Variants in CALHM6 observed in about 807,000 individuals in gnomAD.
The protein encoded by CALHM6 is calcium homeostasis modulator protein 6.
Under a neutral mutation model 12.7 loss-of-function variants are expected in CALHM6, and 15 were observed. The ratio of observed to expected loss-of-function variants is 1.18; its 90% CI spans 0.79 to 1.82. The LOEUF (loss-of-function observed/expected upper bound fraction) is 1.82. Ranked by LOEUF, CALHM6 falls within the 40% of genes most tolerant of loss-of-function variation. CALHM6 has a pLI of 0.00. For missense variants in CALHM6, 434 were observed against 421.0 expected (o/e 1.03, Z -0.27); for synonymous variants, 212 against 193.7 (o/e 1.09, Z -0.78).
At chr6:116,463,222 T>A in intron 2 of CALHM6, 61 bp from the exon 3 acceptor site, 1 of 1,494,612 alleles carries the variant, frequency 6.7e-7, no homozygotes, top group South Asian at 1.3e-5. Flanking sequence ...TATCTGAGGA[T>A]TTTTAAATTT....
chr6:116,462,477 G>T, intron 2 of CALHM6, 23 bp downstream of exon 2: 2 of 1,472,980 alleles, frequency 1.4e-6, no homozygotes, highest in South Asian at 2.6e-5. Flanking sequence ...CGCTGGGGGC[G>T]TTTGGGAGGA....
At position 116,462,441 on chromosome 6, in the gene CALHM6, A is replaced by G; in HGVS notation, c.512A>G (p.Lys171Arg). The change falls in exon 2 of 3, where the codon AAG becomes AGG. Residue 171 changes from lysine (K) to arginine (R), a missense_variant. Lys to Arg is a conservative substitution (Grantham distance 26). Coordinates refer to ENST00000368605, the MANE Select transcript of CALHM6 (RefSeq NM_001010919.3). ...GTGCAGGACCTCCTGAAGGATCTGA[A>G]GGCTCAGTCGCAGGTCTGCCGCTGG... ...SDVQDLLKDL[K>R]AQSQVLGWIL... The G allele has an allele frequency of 6.7e-7, 1 of 1,497,986 alleles. No homozygotes were observed. Among genetic ancestry groups the G allele is most frequent in the Non-Finnish European group, 8.9e-7 (1 of 1,122,830 alleles). The allele number at this position is 1,497,986 out of a possible 1,614,324, so 92.8% of individuals were successfully genotyped here.
rs754787434 is a variant in CALHM6, at chr6:116,462,929, G to C, written c.526-354G>C. On this transcript the variant is annotated intron_variant, in intron 2 of 2. Coordinates refer to ENST00000368605, the MANE Select transcript of CALHM6 (RefSeq NM_001010919.3). ...GGGGTCTATAGAATAAAATGGGTTT[G>C]TCTGGCTCTAAAGCCACCACTGGAC... 4.6e-5 allele frequency among the ~76,000 whole-genome samples: 7 copies of C among 152,336 alleles called. 1 individual carries two copies. The Middle Eastern group carries it at 0.014, about 296-fold the overall frequency.
rs1583252080 is a variant in CALHM6, at chr6:116,461,448, G to T, written c.-59+19G>T. ...GTTTCCCGTAAGTAATCAGTTTTTT[G>T]ATAATTATTTGGTTTTACTGTGATC... On this transcript the variant is annotated intron_variant, in intron 1 of 2. Transcript: ENST00000368605. The T allele has an allele frequency of 1.4e-5, 21 of 1,549,568 alleles. No homozygotes were observed. The East Asian group carries it at 3.4e-4, about 25-fold the overall frequency.
Position 116,462,135 on chromosome 6 carries a change from T to A in CALHM6, c.206T>A (p.Val69Glu). The A allele has an allele frequency of 2.6e-6, 4 of 1,534,388 alleles. No homozygotes were observed. In the South Asian group the frequency reaches 3.6e-5, roughly 14 times the overall value. ...CTCGCGCTCTTCCTCCTGGGCTACG[T>A]GCTGAGCGCACGCACGTGGCGCCTG... ...PALALFLLGY[V>E]LSARTWRLLT... Residue 69 changes from valine (V) to glutamate (E), a missense_variant, in exon 2 of 3, where the codon GTG (valine) becomes GAG (glutamate). Val to Glu is a moderately radical substitution (Grantham distance 121). Transcript: ENST00000368605.
rs940317170 is a variant in CALHM6 at position 116,462,139 on chromosome 6, G to C, written c.210G>C (p.Leu70=). 48 of 1,533,694 alleles carry C rather than the reference G, an allele frequency of 3.1e-5. No individual in the cohort carries two copies. The highest frequency in any genetic ancestry group is 4.0e-5 in the Non-Finnish European group (46 of 1,142,712). Residue 70 remains leucine (L), a synonymous_variant, in exon 2 of 3, where the codon CTG becomes CTC. Transcript: ENST00000368605. Reference sequence around the variant, plus strand: ...CGCTCTTCCTCCTGGGCTACGTGCTGAGCGCACGCACGTGGCGCCTGCTCA... The same window carrying C: ...CGCTCTTCCTCCTGGGCTACGTGCTCAGCGCACGCACGTGGCGCCTGCTCA... ...ALALFLLGYV[L]SARTWRLLTG... is the part of the protein sequence containing the mutation.
chr6:116,461,506 A>C, intron 1 of CALHM6, 77 bp downstream of exon 1: 5 of 1,369,070 alleles, frequency 3.7e-6, no homozygotes, highest in Non-Finnish European at 5.1e-6. Context: ...GCAATAGAGG[A>C]AAATCTGGTA....
intron 2 of CALHM6, 82 bp from the exon 3 acceptor site, chr6:116,463,201 A>T: frequency 7.6e-7 from 1 of 1,311,740 alleles, no homozygotes; most frequent in Non-Finnish European, 1.1e-6. Context: ...ACTGGCGAGT[A>T]GTTGAAACTT....
At position 116,463,299 on chromosome 6, in the gene CALHM6, T is replaced by C. The variant is rs754779791; in HGVS notation, c.542T>C (p.Leu181Ser). The C allele has an allele frequency of 6.2e-7, 1 of 1,612,628 alleles. No individual in the cohort carries two copies. Among genetic ancestry groups the C allele is most frequent in the Non-Finnish European group, 8.5e-7 (1 of 1,179,008 alleles). The change falls in exon 3 of 3, where the codon TTG becomes TCG. Residue 181 changes from leucine (L) to serine (S), a missense_variant. By Grantham distance (145) the Leu-to-Ser change is moderately radical. Coordinates refer to ENST00000368605, the MANE Select transcript of CALHM6 (RefSeq NM_001010919.3). ...KAQSQVLGWILIAVVIIILLI... is the reference protein window; with the variant it reads ...KAQSQVLGWISIAVVIIILLI... ...TTTCTTAAGGTGTTGGGCTGGATCT[T>C]GATAGCAGTTGTTATCATCATTCTT...
In CALHM6 at chr6:116,461,400, C is replaced by G. The variant is rs1484674849; in HGVS notation, c.-88C>G. The G allele has an allele frequency of 1.9e-6, 3 of 1,550,120 alleles. No individual in the cohort carries two copies. The highest frequency in any genetic ancestry group is 2.6e-6 in the Non-Finnish European group (3 of 1,146,750). On this transcript the variant is annotated 5_prime_UTR_variant, in exon 1 of 3. Coordinates refer to ENST00000368605, the MANE Select transcript of CALHM6 (RefSeq NM_001010919.3). Reference sequence around the variant, plus strand: ...GCTGATTTAGCTTATGGAAGAGGAACCAGAAATTTGTCCTTGAATAATGTT... The same window carrying G: ...GCTGATTTAGCTTATGGAAGAGGAAGCAGAAATTTGTCCTTGAATAATGTT...
Position 116,463,771 on chromosome 6 carries a change from A to G in CALHM6, c.*66A>G, listed in dbSNP as rs1784837343. ...GCTTTATTAAAAAATAAACATTGGT[A>G]TTTTTTGAGTGCTTTTTTTCTTCCA... On this transcript the variant is annotated 3_prime_UTR_variant, in exon 3 of 3. Coordinates refer to ENST00000368605, the MANE Select transcript of CALHM6 (RefSeq NM_001010919.3). 23 of 1,286,230 alleles carry G rather than the reference A, an allele frequency of 1.8e-5. No individual in the cohort carries two copies. The highest frequency in any genetic ancestry group is 2.3e-5 in the Non-Finnish European group (22 of 948,852). The allele number at this position is 1,286,230 out of a possible 1,614,324, so 79.7% of individuals were successfully genotyped here.
At chr6:116,461,490 G>C in intron 1 of CALHM6, 61 bp downstream of exon 1, 5 of 1,478,432 alleles carry the variant, frequency 3.4e-6, no homozygotes, top group South Asian at 1.2e-5. Flanking sequence ...AGTAACTAGG[G>C]TGGCTGCAAT....
At chr6:116,461,840 TC>T in intron 1 of CALHM6, 31 bp from the exon 2 acceptor site, 1 of 1,216,046 alleles carries the variant, frequency 8.2e-7, no homozygotes, top group Non-Finnish European at 1.1e-6. Flanking sequence ...AAAGCCCCGG[TC>T]CCCATCCCAC....
At chr6:116,462,616 T>G in intron 2 of CALHM6, 162 bp downstream of exon 2, 1 of 503,140 alleles carries the variant, frequency 2.0e-6, no homozygotes, top group South Asian at 3.2e-5. Context: ...AGAGAATATC[T>G]GAATAAAACG....
chr6:116,462,271 G>A lies in CALHM6; in HGVS notation c.342G>A (p.Val114=). 5.1e-6 allele frequency: 7 copies of A among 1,378,010 alleles called. No homozygotes were observed. The highest frequency in any genetic ancestry group is 6.5e-6 in the Non-Finnish European group (7 of 1,073,608). The allele number at this position is 1,378,010 out of a possible 1,614,324, so 85.4% of individuals were successfully genotyped here. A position where few individuals can be genotyped will look rare whatever the true frequency, so the allele number is the denominator to read the frequency against. Residue 114 remains valine, a synonymous_variant, in exon 2 of 3, where the codon GTG becomes GTA. Coordinates refer to ENST00000368605, the MANE Select transcript of CALHM6 (RefSeq NM_001010919.3). ...CCGCGCTCGCGCCCCTCACCTGGGTGGCCGTGGCGCTGCTCGGGGGCGCCT... is the reference window on the plus strand; with the variant it reads ...CCGCGCTCGCGCCCCTCACCTGGGTAGCCGTGGCGCTGCTCGGGGGCGCCT... ...AAAALAPLTW[V]AVALLGGAFY...
rs1784800585 is a variant in CALHM6 at position 116,462,462 on chromosome 6, G to T, written c.525+8G>T. On this transcript the variant is annotated splice_region_variant and intron_variant, in intron 2 of 2. Transcript: ENST00000368605. ...CTGAAGGCTCAGTCGCAGGTCTGCC[G>T]CTGGCGCTGGGGGCGTTTGGGAGGA... 19 of 1,489,192 alleles carry T rather than the reference G, an allele frequency of 1.3e-5. No individual in the cohort carries two copies. Among genetic ancestry groups the T allele is most frequent in the Non-Finnish European group, 1.7e-5 (19 of 1,117,544 alleles). The allele number at this position is 1,489,192 out of a possible 1,614,324, so 92.2% of individuals were successfully genotyped here.
At position 116,461,416 on chromosome 6, in the gene CALHM6, G is replaced by C; in HGVS notation, c.-72G>C. 1 of 1,550,462 alleles carries C rather than the reference G, an allele frequency of 6.4e-7. No individual in the cohort carries two copies. Among genetic ancestry groups the C allele is most frequent in the Non-Finnish European group, 8.7e-7 (1 of 1,146,874 alleles). On this transcript the variant is annotated 5_prime_UTR_variant, in exon 1 of 3. An upstream open reading frame in the 5' UTR loses its in-frame stop. Coordinates refer to ENST00000368605, the MANE Select transcript of CALHM6 (RefSeq NM_001010919.3). The stretch of plus-strand genomic sequence containing the variant: ...GAAGAGGAACCAGAAATTTGTCCTT[G>C]AATAATGTTTCCCGTAAGTAATCAG...
rs199593763 is a variant in CALHM6 at position 116,463,524 on chromosome 6, A to G, written c.767A>G (p.Glu256Gly). The change falls in exon 3 of 3, where the codon GAG becomes GGG. Residue 256 changes from glutamate (E) to glycine (G), a missense_variant. Physicochemically the swap from Glu to Gly is moderately conservative, Grantham distance 98. Transcript: ENST00000368605. ...GAATATAACACTCCAAGCATGAAAGAGTGGCAGCAAATTTCATCACTGTAT... is the reference window on the plus strand; with the variant it reads ...GAATATAACACTCCAAGCATGAAAGGGTGGCAGCAAATTTCATCACTGTAT... ...PKEYNTPSMK[E>G]WQQISSLYTF... 12 of 1,614,066 alleles carry G rather than the reference A, an allele frequency of 7.4e-6. No homozygotes were observed. Among genetic ancestry groups the G allele is most frequent in the African/African-American group, 1.3e-5 (1 of 74,938 alleles).
chr6:116,463,067 G>T (rs1784814008), intron 2 of CALHM6, among the ~76,000 whole-genome samples: 1 of 152,168 alleles, frequency 6.6e-6, no homozygotes, highest in South Asian at 2.1e-4. Flanking sequence ...CAGAATCATA[G>T]TGCATAACTT....
Sources: allele counts gnomAD v4.1 joint callset (sites outside exome capture counted in the v4.1 genomes callset), GRCh38; gene constraint gnomAD v4.1.1; transcripts MANE v1.5; gene names NCBI Gene and HGNC (gene_info 2026-07-23, HGNC 2026-07-21).